The following PTPRT variants were observed in gnomAD, a reference collection of about 807,000 sequenced individuals.
The protein encoded by PTPRT is receptor-type tyrosine-protein phosphatase T.
In PTPRT, 56 loss-of-function variants were observed where a neutral mutation model predicts 176.8. That is an observed-to-expected ratio of 0.32 (90% CI 0.26 to 0.40). The LOEUF is 0.40. Among genes scored for constraint, PTPRT ranks in the 10% least tolerant of loss-of-function variants. The probability of loss-of-function intolerance (pLI) is 1.00; values close to 1 mark genes in which losing one functional copy is unlikely to be tolerated. For synonymous variants in PTPRT, 783 were observed against 739.0 expected, an observed-to-expected ratio of 1.06 and a Z score of -0.96; for missense variants, 1,540 against 1,908.2, an observed-to-expected ratio of 0.81 and a Z score of 3.60.
At chr20:42,586,196 G>A (rs1045837483) in intron 7 of PTPRT, among the ~76,000 whole-genome samples, 2 of 151,998 alleles carry the variant, frequency 1.3e-5, no homozygotes, top group Admixed American at 1.3e-4. Flanking sequence ...AAACATAAGC[G>A]CCTCCAAATT....
At chr20:43,088,589 C>G (rs2011702051) in intron 1 of PTPRT, among the ~76,000 whole-genome samples, 1 of 152,050 alleles carries the variant, frequency 6.6e-6, no homozygotes. Flanking sequence ...CCACTTTTGG[C>G]CCTTTAACTC....
At chr20:42,920,113 T>G (rs2145951244) in intron 1 of PTPRT, among the ~76,000 whole-genome samples, 1 of 152,298 alleles carries the variant, frequency 6.6e-6, no homozygotes, top group South Asian at 2.1e-4. Context: ...CCCTATCACT[T>G]GCAATTTAAG....
intron 15 of PTPRT, among the ~76,000 whole-genome samples, chr20:42,208,785 C>T (rs202097535): frequency 1.7e-3 from 254 of 152,272 alleles, no homozygotes; most frequent in East Asian, 0.012. Flanking sequence ...AGCTCTGCAC[C>T]GAGTGGACCT....
At chr20:42,776,370 T>A (rs1468186264) in intron 4 of PTPRT, among the ~76,000 whole-genome samples, 2 of 152,202 alleles carry the variant, frequency 1.3e-5, no homozygotes, top group African/African-American at 4.8e-5. Flanking sequence ...TAAATTAAAA[T>A]GAGGCCTTTA....
intron 7 of PTPRT, among the ~76,000 whole-genome samples, chr20:42,623,919 C>T (rs1361741446): frequency 6.6e-6 from 1 of 151,794 alleles, no homozygotes; most frequent in East Asian, 1.9e-4. Flanking sequence ...CAGTATTCTG[C>T]TCATCTGTCT....
At chr20:42,692,176 A>G (rs1286813292) in intron 6 of PTPRT, among the ~76,000 whole-genome samples, 1 of 152,218 alleles carries the variant, frequency 6.6e-6, no homozygotes, top group Non-Finnish European at 1.5e-5. Context: ...CTCCAAAGAG[A>G]AGAATTACTT....
chr20:42,297,464 C>A (rs923057921), intron 12 of PTPRT, among the ~76,000 whole-genome samples: 1 of 152,124 alleles, frequency 6.6e-6, no homozygotes, highest in African/African-American at 2.4e-5. Context: ...TCATTTCACT[C>A]TAATTAATGT....
intron 6 of PTPRT, among the ~76,000 whole-genome samples, chr20:42,731,765 C>T (rs1329473465): frequency 2.0e-5 from 3 of 152,170 alleles, no homozygotes. Flanking sequence ...AGCCTCCACT[C>T]CCACTACTCA....
chr20:42,606,593 T>C (rs1036054628), intron 7 of PTPRT: 1 of 152,162 alleles, frequency 6.6e-6, no homozygotes, highest in Non-Finnish European at 1.5e-5. Flanking sequence ...GAAAGCATGA[T>C]CCCCATTTTA....
chr20:42,236,212 AC>A lies in PTPRT; in HGVS notation c.2342+16del. ...TTACAGGGCACGAAGCAAAGTTAAC[AC>A]CAGCTCGATACTTACAAGTAATAGG... is the stretch of plus-strand genomic sequence containing the variant. On this transcript the variant is annotated intron_variant, in intron 15 of 30. Coordinates refer to ENST00000373187, the MANE Select transcript of PTPRT (RefSeq NM_007050.6). 1 of 1,590,384 alleles carries A rather than the reference AC, an allele frequency of 6.3e-7. No individual in the cohort carries two copies. The highest frequency in any genetic ancestry group is 2.2e-5 in the East Asian group (1 of 44,580).
chr20:43,124,776 T>C (rs2013381318), intron 1 of PTPRT, among the ~76,000 whole-genome samples: 1 of 152,092 alleles, frequency 6.6e-6, no homozygotes, highest in Non-Finnish European at 1.5e-5. Flanking sequence ...CAATGAACCA[T>C]AAACAATACA....
chr20:42,104,431 G>A, intron 25 of PTPRT, 138 bp downstream of exon 25: 1 of 1,001,026 alleles, frequency 1.0e-6, no homozygotes, highest in Middle Eastern at 2.3e-4. Context: ...GGATTTACTG[G>A]AAGCTTGATG....
At chr20:42,735,763 G>A (rs2076530371) in intron 6 of PTPRT, among the ~76,000 whole-genome samples, 1 of 151,972 alleles carries the variant, frequency 6.6e-6, no homozygotes, top group Non-Finnish European at 1.5e-5. Flanking sequence ...CCCTGCTCTG[G>A]GGCTTCTCGT....
chr20:42,146,099 A>G (rs1600586883), intron 17 of PTPRT, among the ~76,000 whole-genome samples: 1 of 152,096 alleles, frequency 6.6e-6, no homozygotes, highest in East Asian at 1.9e-4. Context: ...GCTTCTAGCT[A>G]CTGCAGGTAA....
At chr20:42,215,751 C>G (rs1036841383) in intron 15 of PTPRT, among the ~76,000 whole-genome samples, 1 of 76,552 alleles carries the variant, frequency 1.3e-5, no homozygotes, top group African/African-American at 3.3e-5. Context: ...CAGTCATTTT[C>G]CCACCCTAGC....
intron 1 of PTPRT, among the ~76,000 whole-genome samples, chr20:43,068,518 A>T (rs2146266261): frequency 6.6e-6 from 1 of 151,466 alleles, no homozygotes; most frequent in Middle Eastern, 3.4e-3. Context: ...AAAAAAAAAA[A>T]AAAAAAGCCA....
At chr20:42,141,435 G>A (rs555507189) in intron 18 of PTPRT, among the ~76,000 whole-genome samples, 5 of 152,270 alleles carry the variant, frequency 3.3e-5, no homozygotes, top group East Asian at 1.9e-4. Context: ...TCTCTTGCCC[G>A]GGTTCTCCTA....
At chr20:42,956,401 C>G (rs536063055) in intron 1 of PTPRT, among the ~76,000 whole-genome samples, 3 of 151,628 alleles carry the variant, frequency 2.0e-5, no homozygotes, top group Admixed American at 2.0e-4. Flanking sequence ...CCCAGTAACT[C>G]TCTCTCTTGC....
At chr20:42,792,102 C>T (rs191588556) in intron 2 of PTPRT, among the ~76,000 whole-genome samples, 37 of 152,302 alleles carry the variant, frequency 2.4e-4, no homozygotes, top group Non-Finnish European at 2.6e-4. Flanking sequence ...GTAGCTGCTG[C>T]CCCTTTCAGC....
Sources: allele counts gnomAD v4.1 joint callset (sites outside exome capture counted in the v4.1 genomes callset), GRCh38; gene constraint gnomAD v4.1.1; transcripts MANE v1.5; gene names NCBI Gene and HGNC (gene_info 2026-07-23, HGNC 2026-07-21).